Variants in TBC1D16 observed in about 807,000 individuals in gnomAD.
TBC1D16 encodes the protein CTD-2529O21.1.
In TBC1D16, 58 loss-of-function variants were observed where a neutral mutation model predicts 74.7. The observed-to-expected ratio is 0.78, with a 90% confidence interval of 0.63 to 0.97. The LOEUF (loss-of-function observed/expected upper bound fraction) is 0.97. Among genes scored for constraint, TBC1D16 ranks in the 50% least tolerant of loss-of-function variants. TBC1D16 has a pLI of 0.00. For missense variants in TBC1D16, 1,014 were observed against 1,079.5 expected (o/e 0.94, Z 0.85); for synonymous variants, 493 against 474.7 (o/e 1.04, Z -0.50).
At position 79,956,478 on chromosome 17, in the gene TBC1D16, T is replaced by G. The variant is rs376407055; in HGVS notation, c.780-3660A>C. Among the ~76,000 whole-genome samples, 1 of 152,154 alleles carries G rather than the reference T, an allele frequency of 6.6e-6. No homozygotes were observed. The highest frequency in any genetic ancestry group is 2.4e-5 in the African/African-American group (1 of 41,432). ...CATGTTGCCCAGGCTGGTCTCAAAC[T>G]CCTGAGCTCAAGCGATCTGTCTGCC... On this transcript the variant is annotated intron_variant, in intron 3 of 11. Coordinates refer to ENST00000310924, the MANE Select transcript of TBC1D16 (RefSeq NM_019020.4). The surrounding 1 kb of genome is among the most constrained non-coding windows in gnomAD (Gnocchi z 4.0).
chr17:79,977,866 A>G (rs2034398328), intron 3 of TBC1D16, among the ~76,000 whole-genome samples: 1 of 152,188 alleles, frequency 6.6e-6, no homozygotes, highest in African/African-American at 2.4e-5. Flanking sequence ...AGGGCGATTG[A>G]TGCGGCTGCC....
In TBC1D16 at chr17:80,009,126, G is replaced by A. The variant is rs1361728918; in HGVS notation, c.779+1034C>T. ...CACACACGTACCATCCATAGCCCACGGTGTCCAGCGCCCAGGCGAGACCCA... is the reference window on the plus strand; with the variant it reads ...CACACACGTACCATCCATAGCCCACAGTGTCCAGCGCCCAGGCGAGACCCA... On this transcript the variant is annotated intron_variant, in intron 3 of 11. Transcript: ENST00000310924. This position sits in a 1 kb window ranked among gnomAD's most constrained non-coding sequence, Gnocchi z 5.4. Among the ~76,000 whole-genome samples the A allele has an allele frequency of 1.3e-5, 2 of 152,242 alleles. No individual in the cohort carries two copies. The highest frequency in any genetic ancestry group is 2.4e-5 in the African/African-American group (1 of 41,462).
In TBC1D16 at chr17:79,954,543, T is replaced by C. The variant is rs1223204076; in HGVS notation, c.780-1725A>G. ...TGTGGGGCCATCACCTGAACTGCCG[T>C]GGCTGCGCCGCGGACGGGCCCAGAA... On this transcript the variant is annotated intron_variant, in intron 3 of 11. Coordinates refer to ENST00000310924, the MANE Select transcript of TBC1D16 (RefSeq NM_019020.4). This position sits in a 1 kb window ranked among gnomAD's most constrained non-coding sequence, Gnocchi z 5.5. Among the ~76,000 whole-genome samples the C allele has an allele frequency of 6.6e-6, 1 of 152,180 alleles. No homozygotes were observed. The highest frequency in any genetic ancestry group is 1.5e-5 in the Non-Finnish European group (1 of 68,020).
At chr17:79,967,266 C>A (rs1379499165) in intron 3 of TBC1D16, among the ~76,000 whole-genome samples, 1 of 151,740 alleles carries the variant, frequency 6.6e-6, no homozygotes, top group Non-Finnish European at 1.5e-5. Context: ...AAAATAAAAT[C>A]TTTAAAAGAA....
rs2036951218 is a variant in TBC1D16, at chr17:80,035,435, C to T, written c.-63+360G>A. On this transcript the variant is annotated intron_variant, in intron 1 of 11. Coordinates refer to ENST00000310924, the MANE Select transcript of TBC1D16 (RefSeq NM_019020.4). The surrounding 1 kb of genome is among the most constrained non-coding windows in gnomAD (Gnocchi z 5.3). ...CCCCACAAGTTCTCATCCGTCTGCT[C>T]CGCCGATTCAGCCAGACAAAGACCG... Among the ~76,000 whole-genome samples, 1 of 152,084 alleles carries T rather than the reference C, an allele frequency of 6.6e-6. No homozygotes were observed. Among genetic ancestry groups the T allele is most frequent in the South Asian group, 2.1e-4 (1 of 4,836 alleles).
rs1405187475 is a variant in TBC1D16, at chr17:79,950,569, G to A, written c.1099C>T (p.Pro367Ser). 3.7e-6 allele frequency: 6 copies of A among 1,612,328 alleles called. No individual in the cohort carries two copies. In the Admixed American group the frequency reaches 6.7e-5, roughly 18 times the overall value. Residue 367 changes from proline (P) to serine (S), a missense_variant, in exon 6 of 12, where the codon CCC becomes TCC. Pro to Ser is a moderately conservative substitution (Grantham distance 74, BLOSUM62 -1). Coordinates refer to ENST00000310924, the MANE Select transcript of TBC1D16 (RefSeq NM_019020.4). This position sits in a 1 kb window ranked among gnomAD's most constrained non-coding sequence, Gnocchi z 4.6. ...EMQLKDQQVA[P>S]DKTCMQFSIR... is the part of the protein sequence containing the mutation. ...GAGAACTGCATGCATGTCTTATCGG[G>A]GGCGACCTGCTGGACGGGAGGAAAA...
Position 79,979,090 on chromosome 17 carries a change from C to T in TBC1D16, c.780-26272G>A, listed in dbSNP as rs1007748416. On this transcript the variant is annotated intron_variant, in intron 3 of 11. Transcript: ENST00000310924. The surrounding 1 kb of genome is among the most constrained non-coding windows in gnomAD (Gnocchi z 4.8). ...GGCAAACCAATGAGATGATTCTAAA[C>T]CAAAGCGCCCTCGTGGGCTCCACGC... 6.6e-6 allele frequency among the ~76,000 whole-genome samples: 1 copy of T among 152,234 alleles called. No individual in the cohort carries two copies. The highest frequency in any genetic ancestry group is 6.5e-5 in the Admixed American group (1 of 15,288).
intron 1 of TBC1D16, among the ~76,000 whole-genome samples, chr17:80,019,482 C>T (rs2036213459): frequency 7.3e-6 from 1 of 137,346 alleles, no homozygotes; most frequent in Non-Finnish European, 1.5e-5. Flanking sequence ...AGACTGGGCT[C>T]TTTTTGGAGA....
chr17:79,940,880 G>C lies in TBC1D16; in HGVS notation c.2283C>G (p.Asp761Glu), dbSNP rs200852370. Residue 761 changes from aspartate (D) to glutamate (E), a missense_variant, in exon 12 of 12, where the codon GAC becomes GAG. Transcript: ENST00000310924. The surrounding 1 kb of genome is among the most constrained non-coding windows in gnomAD (Gnocchi z 5.4). ...CGACCTATCTGCGGAAGCCGAAGCC[G>C]TCCTGCGGCGTCTTTGGGCCCTTCT... is the stretch of plus-strand genomic sequence containing the variant. ...EGKKGPKTPQ[D>E]GFGFRR is the part of the protein sequence containing the mutation. The C allele has an allele frequency of 1.6e-5, 25 of 1,563,388 alleles. No individual in the cohort carries two copies. The highest frequency in any genetic ancestry group is 1.5e-5 in the Non-Finnish European group (17 of 1,148,076).
At chr17:79,942,035 G>A (rs2032057910) in intron 11 of TBC1D16, 25 bp downstream of exon 11, 1 of 1,594,944 alleles carries the variant, frequency 6.3e-7, no homozygotes, top group Non-Finnish European at 8.5e-7. Flanking sequence ...GGGCGGGGTG[G>A]GGCCCACATC....
intron 1 of TBC1D16, among the ~76,000 whole-genome samples, chr17:80,023,666 C>G (rs28698103): frequency 0.036 from 5,145 of 144,552 alleles, 877 homozygotes; most frequent in African/African-American, 0.13. Context: ...GGCCCCCCCC[C>G]ACCGGCTCAG....
chr17:79,984,602 AAAG>A (rs2034743195), intron 3 of TBC1D16, among the ~76,000 whole-genome samples: 1 of 127,854 alleles, frequency 7.8e-6, no homozygotes, highest in African/African-American at 2.9e-5. Context: ...AAGAGAAAGA[AAAG>A]AGGGAGGGAG....
Position 79,950,637 on chromosome 17 carries a change from A to G in TBC1D16, c.1090-59T>C, listed in dbSNP as rs2032981892. On this transcript the variant is annotated intron_variant, in intron 5 of 11. Coordinates refer to ENST00000310924, the MANE Select transcript of TBC1D16 (RefSeq NM_019020.4). This position sits in a 1 kb window ranked among gnomAD's most constrained non-coding sequence, Gnocchi z 4.6. ...TCTCAGCCGCGCGGCTTCAGAGGCC[A>G]GCAGTGCTTTTCCCAGGAATAAAAG... 6 of 1,582,716 alleles carry G rather than the reference A, an allele frequency of 3.8e-6. No homozygotes were observed. Among genetic ancestry groups the G allele is most frequent in the Admixed American group, 1.9e-5 (1 of 53,974 alleles).
At chr17:79,969,084 C>T (rs2033965578) in intron 3 of TBC1D16, among the ~76,000 whole-genome samples, 1 of 151,940 alleles carries the variant, frequency 6.6e-6, no homozygotes, top group Non-Finnish European at 1.5e-5. Flanking sequence ...CATCATTATT[C>T]CCTGGAGAAA....
Position 80,025,578 on chromosome 17 carries a change from A to ACCCCCCT in TBC1D16, c.-63+10216_-63+10217insAGGGGGG, listed in dbSNP as rs1178052115. On this transcript the variant is annotated intron_variant, in intron 1 of 11. Transcript: ENST00000310924. The stretch of plus-strand genomic sequence containing the variant: ...GCTTCGGGGCCCGCCTGCTGGGAGC[A>ACCCCCCT]GCCGCCTGCTGGGAGCACCTCCTTG... 7.0e-3 allele frequency among the ~76,000 whole-genome samples: 1,041 copies of ACCCCCCT among 148,496 alleles called. 95 individuals are homozygous for ACCCCCCT. Among genetic ancestry groups the ACCCCCCT allele is most frequent in the African/African-American group, 0.026 (1,001 of 38,380 alleles).
chr17:80,015,842 C>T (rs1425843229), intron 1 of TBC1D16, among the ~76,000 whole-genome samples: 1 of 151,942 alleles, frequency 6.6e-6, no homozygotes, highest in Non-Finnish European at 1.5e-5. Flanking sequence ...AAAACCCCGC[C>T]TCTACTAAAA....
rs572168995 is a variant in TBC1D16 at position 80,018,362 on chromosome 17, A to G, written c.-62-4753T>C. ...AACGGTGCAATCTCGGCTCACTGCA[A>G]GCTCCGCCTCCCAGGTTCACGCCAT... On this transcript the variant is annotated intron_variant, in intron 1 of 11. Coordinates refer to ENST00000310924, the MANE Select transcript of TBC1D16 (RefSeq NM_019020.4). Among the ~76,000 whole-genome samples the G allele has an allele frequency of 1.1e-4, 17 of 149,026 alleles. 1 individual carries two copies. Among genetic ancestry groups the G allele is most frequent in the African/African-American group, 4.4e-4 (17 of 38,698 alleles).
At chr17:80,004,372 C>CT (rs1396758366) in intron 3 of TBC1D16, among the ~76,000 whole-genome samples, 1 of 152,216 alleles carries the variant, frequency 6.6e-6, no homozygotes, top group Non-Finnish European at 1.5e-5. Flanking sequence ...CTGCATGGAC[C>CT]ATTTGACAGT....
At chr17:80,022,872 T>A (rs1283660358) in intron 1 of TBC1D16, among the ~76,000 whole-genome samples, 1 of 149,644 alleles carries the variant, frequency 6.7e-6, no homozygotes, top group Non-Finnish European at 1.5e-5. Context: ...TGACCTCAGG[T>A]GATCCGCCCG....
Sources: allele counts gnomAD v4.1 joint callset (sites outside exome capture counted in the v4.1 genomes callset), GRCh38; gene constraint gnomAD v4.1.1; non-coding constraint Gnocchi (gnomAD v3.1); transcripts MANE v1.5; gene names NCBI Gene and HGNC (gene_info 2026-07-23, HGNC 2026-07-21).